FHIT: variants seen among roughly 807,000 people sequenced by gnomAD.
The protein encoded by FHIT is bis(5'-adenosyl)-triphosphatase.
Under a neutral mutation model 17.9 loss-of-function variants are expected in FHIT, and 19 were observed. The observed-to-expected ratio is 1.06, with a 90% CI of 0.74 to 1.56. The LOEUF (loss-of-function observed/expected upper bound fraction) is 1.56. Among genes scored for constraint, FHIT ranks in the 40% most tolerant of loss-of-function variants. The pLI is 0.00. For missense variants in FHIT, 248 were observed against 189.2 expected, an observed-to-expected ratio of 1.31 and a Z score of -1.82; for synonymous variants, 81 against 69.7, an observed-to-expected ratio of 1.16 and a Z score of -0.81.
At chr3:60,475,311 C>T (rs570685222) in intron 5 of FHIT, among the ~76,000 whole-genome samples, 1 of 152,252 alleles carries the variant, frequency 6.6e-6, no homozygotes, top group East Asian at 1.9e-4. Flanking sequence ...GTTTTTCTCC[C>T]TTAGCTGAAA....
At chr3:59,876,376 T>C (rs1703159739) in intron 8 of FHIT, among the ~76,000 whole-genome samples, 1 of 152,186 alleles carries the variant, frequency 6.6e-6, no homozygotes, top group Admixed American at 6.5e-5. Context: ...TTATTTAAAC[T>C]AGAATAATCT....
intron 4 of FHIT, among the ~76,000 whole-genome samples, chr3:60,622,646 T>C (rs1490128888): frequency 1.3e-5 from 2 of 152,234 alleles, no homozygotes; most frequent in East Asian, 3.9e-4. Flanking sequence ...GCATTAAAAC[T>C]CATACTTCAT....
intron 8 of FHIT, among the ~76,000 whole-genome samples, chr3:59,754,224 CT>C (rs1286115621): frequency 1.3e-5 from 2 of 152,026 alleles, no homozygotes; most frequent in Non-Finnish European, 2.9e-5. Context: ...AAGTTTGAGC[CT>C]AAATGAGGCT....
chr3:60,030,042 T>C, intron 5 of FHIT, among the ~76,000 whole-genome samples: 1 of 152,104 alleles, frequency 6.6e-6, no homozygotes, highest in Non-Finnish European at 1.5e-5. Context: ...CCTAGCTCTA[T>C]TTGTCAGGGT....
At chr3:60,732,704 T>TTTTTTTTC in intron 4 of FHIT, 4 of 338,304 alleles carry the variant, frequency 1.2e-5, no homozygotes, top group Non-Finnish European at 2.3e-5. Flanking sequence ...TTTTTTTTTT[T>TTTTTTTTC]TTGACAAAGT....
At chr3:60,468,824 G>T (rs778019128) in intron 5 of FHIT, among the ~76,000 whole-genome samples, 69 of 152,060 alleles carry the variant, frequency 4.5e-4, no homozygotes, top group Non-Finnish European at 8.5e-4. Context: ...TTTTCTTTCA[G>T]ATTGAAGAAA....
intron 5 of FHIT, among the ~76,000 whole-genome samples, chr3:60,193,033 TG>T (rs1702475813): frequency 6.6e-6 from 1 of 152,170 alleles, no homozygotes; most frequent in Non-Finnish European, 1.5e-5. Context: ...GATGACATTT[TG>T]CTTAAAAGGT....
rs778560368 is a variant in FHIT at position 59,752,336 on chromosome 3, A to G, written c.349-15T>C. On this transcript the variant is annotated splice_polypyrimidine_tract_variant and intron_variant, in intron 8 of 9. Coordinates refer to ENST00000492590, the MANE Select transcript of FHIT (RefSeq NM_002012.4). The stretch of plus-strand genomic sequence containing the variant: ...TGTTTCTGGAGCTTTGGAGAAAAAA[A>G]AAGGAAGAGGCTCTTTCATGGGCCC... 2.5e-6 allele frequency: 4 copies of G among 1,602,630 alleles called. No homozygotes were observed. The African/African-American group carries it at 5.4e-5, about 22-fold the overall frequency.
rs991791964 is a variant in FHIT, at chr3:61,229,648, G to C, written c.-213+21653C>G. Reference sequence around the variant, plus strand: ...AGAAATACTCATCTCACAGGTCAGAGATTAAGGAGGTATGTCAAACGTGCA... The same window carrying C: ...AGAAATACTCATCTCACAGGTCAGACATTAAGGAGGTATGTCAAACGTGCA... On this transcript the variant is annotated intron_variant, in intron 1 of 9. Coordinates refer to ENST00000492590, the MANE Select transcript of FHIT (RefSeq NM_002012.4). 5.9e-5 allele frequency among the ~76,000 whole-genome samples: 9 copies of C among 152,270 alleles called. No homozygotes were observed. In the East Asian group the frequency reaches 1.7e-3, roughly 29 times the overall value.
At chr3:60,054,221 A>C (rs1701994146) in intron 5 of FHIT, among the ~76,000 whole-genome samples, 1 of 152,214 alleles carries the variant, frequency 6.6e-6, no homozygotes, top group African/African-American at 2.4e-5. Flanking sequence ...GTTTGCAAAC[A>C]ATTACTGGAA....
chr3:59,839,272 C>T (rs1286014401), intron 8 of FHIT, among the ~76,000 whole-genome samples: 1 of 149,736 alleles, frequency 6.7e-6, no homozygotes, highest in East Asian at 2.0e-4. Flanking sequence ...GAGCTGAGAT[C>T]ATGCCATTGC....
At chr3:60,878,201 T>G (rs527707390) in intron 3 of FHIT, among the ~76,000 whole-genome samples, 2 of 152,122 alleles carry the variant, frequency 1.3e-5, no homozygotes, top group South Asian at 2.1e-4. Flanking sequence ...CAGTCATAGA[T>G]TCTGGCTCTG....
At chr3:60,697,287 GGTTCA>G (rs2041135772) in intron 4 of FHIT, among the ~76,000 whole-genome samples, 1 of 152,102 alleles carries the variant, frequency 6.6e-6, no homozygotes, top group African/African-American at 2.4e-5. Flanking sequence ...TCAGAGAGAG[GGTTCA>G]GATCAGGGAA....
chr3:60,033,192 T>C (rs1156843937), intron 5 of FHIT, among the ~76,000 whole-genome samples: 2 of 152,142 alleles, frequency 1.3e-5, no homozygotes, highest in African/African-American at 4.8e-5. Context: ...AAATTCCTAT[T>C]AATTTTGTGA....
At chr3:61,107,975 T>A (rs2036040339) in intron 2 of FHIT, among the ~76,000 whole-genome samples, 1 of 152,196 alleles carries the variant, frequency 6.6e-6, no homozygotes, top group African/African-American at 2.4e-5. Context: ...TTGTTATAGT[T>A]CACGATGTAC....
At chr3:60,246,232 A>AACTGTT (rs1705388733) in intron 5 of FHIT, among the ~76,000 whole-genome samples, 1 of 152,082 alleles carries the variant, frequency 6.6e-6, no homozygotes, top group African/African-American at 2.4e-5. Context: ...GAACAGTTAT[A>AACTGTT]CTAAAATAAA....
chr3:60,299,310 G>C (rs751040310), intron 5 of FHIT, among the ~76,000 whole-genome samples: 1 of 152,060 alleles, frequency 6.6e-6, no homozygotes, highest in East Asian at 1.9e-4. Context: ...CTAACATTTT[G>C]TTAAGAAATT....
chr3:61,160,544 A>G (rs1187430701), intron 2 of FHIT, among the ~76,000 whole-genome samples: 3 of 152,240 alleles, frequency 2.0e-5, no homozygotes, highest in Admixed American at 6.5e-5. Context: ...CCATGCAATA[A>G]AACACAGGAA....
rs1322107705 is a variant in FHIT, at chr3:60,012,277, T to G, written c.250-877A>C. Among the ~76,000 whole-genome samples the G allele has an allele frequency of 1.2e-3, 185 of 149,370 alleles. 2 individuals carry two copies. The highest frequency in any genetic ancestry group is 4.2e-3 in the African/African-American group (167 of 40,206). On this transcript the variant is annotated intron_variant, in intron 6 of 9. Coordinates refer to ENST00000492590, the MANE Select transcript of FHIT (RefSeq NM_002012.4). ...GTGTTTTTTTTGTTGTTTTTTTTTT[T>G]TTTTTTTTTGAGAAAGGGTCTTACT... is the stretch of plus-strand genomic sequence containing the variant.
Sources: allele counts gnomAD v4.1 joint callset (sites outside exome capture counted in the v4.1 genomes callset), GRCh38; gene constraint gnomAD v4.1.1; transcripts MANE v1.5; gene names NCBI Gene and HGNC (gene_info 2026-07-23, HGNC 2026-07-21).